The following KCNIP4 variants were observed in gnomAD, a reference collection of about 807,000 sequenced individuals.
The protein encoded by KCNIP4 is Kv channel-interacting protein 4.
Under a neutral mutation model 34.0 loss-of-function variants are expected in KCNIP4, and 12 were observed. That is an observed-to-expected ratio of 0.35 (90% CI 0.23 to 0.57). KCNIP4 has a LOEUF of 0.57. Among genes scored for constraint, KCNIP4 ranks in the 20% least tolerant of loss-of-function variants. The pLI is 0.83. For missense variants in KCNIP4, 238 were observed against 311.7 expected (o/e 0.76, Z 1.78); for synonymous variants, 124 against 102.2 (o/e 1.21, Z -1.29).
intron 1 of KCNIP4, among the ~76,000 whole-genome samples, chr4:21,569,791 G>A (rs1313073007): frequency 6.6e-6 from 1 of 151,992 alleles, no homozygotes; most frequent in Non-Finnish European, 1.5e-5. Flanking sequence ...CAGGCCAGCA[G>A]GGGAGAAAAA....
intron 1 of KCNIP4, among the ~76,000 whole-genome samples, chr4:21,650,415 A>G (rs1374314550): frequency 6.6e-6 from 1 of 152,184 alleles, no homozygotes; most frequent in Non-Finnish European, 1.5e-5. Context: ...CAAATCATAA[A>G]ATAACAAAAA....
rs575944932 is a variant in KCNIP4 at position 21,841,157 on chromosome 4, G to T, written c.61+107414C>A. Reference sequence around the variant, plus strand: ...GAAAACTTTTAGGAAGAACTCTGAGGCATGTTCTTTCTTACAATTCTCATA... The same window carrying T: ...GAAAACTTTTAGGAAGAACTCTGAGTCATGTTCTTTCTTACAATTCTCATA... On this transcript the variant is annotated intron_variant, in intron 1 of 8. Coordinates refer to ENST00000382152, the MANE Select transcript of KCNIP4 (RefSeq NM_025221.6). Among the ~76,000 whole-genome samples, 25 of 152,124 alleles carry T rather than the reference G, an allele frequency of 1.6e-4. No homozygotes were observed. In the South Asian group the frequency reaches 5.2e-3, roughly 32 times the overall value.
At chr4:21,522,030 G>A (rs1436792173) in intron 1 of KCNIP4, among the ~76,000 whole-genome samples, 2 of 152,130 alleles carry the variant, frequency 1.3e-5, no homozygotes, top group East Asian at 1.9e-4. Context: ...GCAGTTTTGA[G>A]AGACAATTTA....
chr4:20,830,644 A>G (rs1718309600), intron 3 of KCNIP4, among the ~76,000 whole-genome samples: 1 of 152,206 alleles, frequency 6.6e-6, no homozygotes, highest in Non-Finnish European at 1.5e-5. Context: ...ACATGCATAC[A>G]CTAGATGGCC....
chr4:21,487,186 T>C (rs994186703), intron 1 of KCNIP4, among the ~76,000 whole-genome samples: 31 of 152,174 alleles, frequency 2.0e-4, no homozygotes, highest in African/African-American at 7.5e-4. Context: ...TTGCATTTAG[T>C]TGTCATGTCT....
At chr4:20,952,576 CTGAT>C (rs1455457790) in intron 1 of KCNIP4, among the ~76,000 whole-genome samples, 1 of 152,136 alleles carries the variant, frequency 6.6e-6, no homozygotes, top group African/African-American at 2.4e-5. Context: ...TATTAAGAGA[CTGAT>C]TGCTCATTAT....
chr4:21,876,014 AT>A (rs201527464), intron 1 of KCNIP4, among the ~76,000 whole-genome samples: 1,651 of 152,254 alleles, frequency 0.011, 16 homozygotes, highest in South Asian at 0.031. Context: ...TGAACCATGG[AT>A]CCCTTTCACA....
chr4:20,854,186 C>T (rs1470137306), intron 2 of KCNIP4, among the ~76,000 whole-genome samples: 6 of 152,216 alleles, frequency 3.9e-5, no homozygotes. Context: ...AAGATACTTG[C>T]ACATGCACGT....
At chr4:21,375,989 T>A (rs924064914) in intron 1 of KCNIP4, among the ~76,000 whole-genome samples, 1 of 152,198 alleles carries the variant, frequency 6.6e-6, no homozygotes, top group African/African-American at 2.4e-5. Context: ...ACACCAGGAA[T>A]CAAGGTGGAT....
At chr4:21,249,788 A>G (rs1052964977) in intron 1 of KCNIP4, among the ~76,000 whole-genome samples, 4 of 152,162 alleles carry the variant, frequency 2.6e-5, no homozygotes, top group Admixed American at 6.5e-5. Flanking sequence ...AAAGGTAACA[A>G]TGTTTTGGCG....
At chr4:21,494,855 T>C (rs1457236829) in intron 1 of KCNIP4, among the ~76,000 whole-genome samples, 1 of 151,998 alleles carries the variant, frequency 6.6e-6, no homozygotes, top group African/African-American at 2.4e-5. Flanking sequence ...AGTCTGAATA[T>C]GTCAAAATTA....
chr4:21,439,344 C>T (rs1727241824), intron 1 of KCNIP4, among the ~76,000 whole-genome samples: 1 of 152,082 alleles, frequency 6.6e-6, no homozygotes, highest in Non-Finnish European at 1.5e-5. Context: ...AAACGCCCTC[C>T]CAACTTCTAG....
intron 1 of KCNIP4, among the ~76,000 whole-genome samples, chr4:21,639,842 T>C (rs576152630): frequency 6.6e-6 from 1 of 152,164 alleles, no homozygotes; most frequent in Non-Finnish European, 1.5e-5. Flanking sequence ...AACTACAGGA[T>C]AGATTTGGGG....
intron 1 of KCNIP4, among the ~76,000 whole-genome samples, chr4:21,899,569 C>A (rs1195360326): frequency 1.3e-5 from 2 of 151,876 alleles, no homozygotes; most frequent in East Asian, 3.9e-4. Context: ...AATATTAGAA[C>A]TGATAAAAAA....
At chr4:21,014,654 T>C (rs1267204278) in intron 1 of KCNIP4, among the ~76,000 whole-genome samples, 1 of 152,096 alleles carries the variant, frequency 6.6e-6, no homozygotes, top group Non-Finnish European at 1.5e-5. Context: ...GGAACATGAG[T>C]GCATGGCTGG....
chr4:20,775,506 T>A (rs1443819574), intron 3 of KCNIP4, among the ~76,000 whole-genome samples: 2 of 142,534 alleles, frequency 1.4e-5, no homozygotes, highest in African/African-American at 5.3e-5. Flanking sequence ...TCCAAGGCCA[T>A]CCTGGGCAAT....
At chr4:21,361,237 ACTC>A (rs1719186498) in intron 1 of KCNIP4, among the ~76,000 whole-genome samples, 1 of 151,922 alleles carries the variant, frequency 6.6e-6, no homozygotes, top group Non-Finnish European at 1.5e-5. Context: ...TAGCTGATTG[ACTC>A]ATTTTTTGAT....
chr4:20,858,211 C>CAAAAAAAAAA (rs778798968), intron 2 of KCNIP4, among the ~76,000 whole-genome samples: 6 of 70,704 alleles, frequency 8.5e-5, no homozygotes, highest in African/African-American at 8.2e-5. Context: ...AACTCCATCT[C>CAAAAAAAAAA]AAAAAAAAAA....
intron 1 of KCNIP4, among the ~76,000 whole-genome samples, chr4:21,402,070 C>A (rs1258711056): frequency 2.0e-5 from 3 of 152,302 alleles, no homozygotes; most frequent in South Asian, 4.1e-4. Context: ...GTCTTTGATG[C>A]AGTTCAACTT....
Sources: gnomAD v4.1 joint callset for allele counts (sites outside exome capture counted in the v4.1 genomes callset) on GRCh38, gnomAD v4.1.1 for gene constraint, MANE v1.5 for transcripts, NCBI Gene and HGNC (gene_info 2026-07-23, HGNC 2026-07-21) for gene names.